The following PTPRG variants were observed in gnomAD, a reference collection of about 807,000 sequenced individuals.
PTPRG encodes the protein receptor-type tyrosine-protein phosphatase gamma.
Under a neutral mutation model 165.3 loss-of-function variants are expected in PTPRG, and 102 were observed. That is an observed-to-expected ratio of 0.62 (90% CI 0.53 to 0.73). The LOEUF (loss-of-function observed/expected upper bound fraction) is 0.73. Ranked by LOEUF, PTPRG falls within the 30% of genes least tolerant of loss-of-function variation. The pLI is 0.00. For missense variants in PTPRG, 1,866 were observed against 1,861.4 expected, an observed-to-expected ratio of 1.00 and a Z score of -0.05; for synonymous variants, 675 against 669.5, an observed-to-expected ratio of 1.01 and a Z score of -0.13.
chr3:61,854,167 CTA>C (rs2037039324), intron 2 of PTPRG, among the ~76,000 whole-genome samples: 2 of 152,200 alleles, frequency 1.3e-5, no homozygotes, highest in Admixed American at 1.3e-4. Flanking sequence ...GGTAGCAGTA[CTA>C]CACACATGCA....
intron 2 of PTPRG, among the ~76,000 whole-genome samples, chr3:61,869,729 C>T (rs1036575596): frequency 9.9e-5 from 15 of 151,632 alleles, no homozygotes; most frequent in Admixed American, 5.3e-4. Flanking sequence ...TAGGTGCACG[C>T]CACCCTGCCT....
At chr3:61,891,009 T>C (rs1322409995) in intron 2 of PTPRG, among the ~76,000 whole-genome samples, 1 of 152,186 alleles carries the variant, frequency 6.6e-6, no homozygotes, top group Non-Finnish European at 1.5e-5. Context: ...TTTCCAGATA[T>C]ATATGTTGCA....
chr3:62,196,642 G>C (rs1159973365), intron 10 of PTPRG, among the ~76,000 whole-genome samples: 1 of 152,150 alleles, frequency 6.6e-6, no homozygotes, highest in Non-Finnish European at 1.5e-5. Context: ...TGGAAGTAGG[G>C]ACCAGGGTGC....
At chr3:61,613,025 G>A (rs545550016) in intron 1 of PTPRG, among the ~76,000 whole-genome samples, 5 of 152,198 alleles carry the variant, frequency 3.3e-5, no homozygotes, top group African/African-American at 7.2e-5. Context: ...TTTCCATAAA[G>A]CCACCAATAG....
At chr3:61,661,332 T>TAA (rs1310793802) in intron 1 of PTPRG, among the ~76,000 whole-genome samples, 10 of 133,480 alleles carry the variant, frequency 7.5e-5, no homozygotes, top group South Asian at 2.5e-4. Context: ...TTTTTTTTTT[T>TAA]AAATTTTTAA....
At chr3:62,007,487 T>C (rs543996214) in intron 4 of PTPRG, among the ~76,000 whole-genome samples, 1 of 152,352 alleles carries the variant, frequency 6.6e-6, no homozygotes, top group Non-Finnish European at 1.5e-5. Flanking sequence ...CCTTGGAGAC[T>C]GAACTCAATT....
At chr3:61,580,783 T>A (rs1700276969) in intron 1 of PTPRG, among the ~76,000 whole-genome samples, 1 of 152,366 alleles carries the variant, frequency 6.6e-6, no homozygotes, top group East Asian at 1.9e-4. Context: ...TAACGATTAT[T>A]ATTTTCTTTT....
intron 2 of PTPRG, among the ~76,000 whole-genome samples, chr3:61,814,271 A>G (rs1158647624): frequency 6.6e-6 from 1 of 152,182 alleles, no homozygotes; most frequent in Non-Finnish European, 1.5e-5. Flanking sequence ...TCACATCCCT[A>G]ACAAGCGGGT....
intron 3 of PTPRG, 34 bp downstream of exon 3, chr3:61,989,838 A>G (rs2040842954): frequency 1.2e-6 from 2 of 1,607,238 alleles, no homozygotes; most frequent in South Asian, 1.1e-5. Flanking sequence ...TCCACAGAGC[A>G]ACAGGAACTA....
intron 14 of PTPRG, among the ~76,000 whole-genome samples, chr3:62,235,254 A>G (rs1701002811): frequency 6.6e-6 from 1 of 152,182 alleles, no homozygotes; most frequent in East Asian, 1.9e-4. Context: ...AACTGTGGCA[A>G]ATGAGGTGGA....
intron 2 of PTPRG, among the ~76,000 whole-genome samples, chr3:61,967,326 C>A (rs1187220804): frequency 6.6e-6 from 1 of 152,108 alleles, no homozygotes; most frequent in African/African-American, 2.4e-5. Context: ...ACAAACTAGG[C>A]AGAGTCGAAT....
At chr3:61,565,027 C>T (rs1009983802) in intron 1 of PTPRG, among the ~76,000 whole-genome samples, 2 of 152,228 alleles carry the variant, frequency 1.3e-5, no homozygotes, top group African/African-American at 4.8e-5. Context: ...CTTGTGAGGT[C>T]TTAGCCAAAA....
chr3:61,862,587 G>T (rs1178135118), intron 2 of PTPRG, among the ~76,000 whole-genome samples: 2 of 152,126 alleles, frequency 1.3e-5, no homozygotes, highest in African/African-American at 2.4e-5. Flanking sequence ...TAGAGACGGG[G>T]TTTCTCCATG....
chr3:62,277,500 T>C, intron 25 of PTPRG, 51 bp from the exon 26 acceptor site: 1 of 1,579,974 alleles, frequency 6.3e-7, no homozygotes, highest in Non-Finnish European at 8.6e-7. Flanking sequence ...TACCACAAAG[T>C]TAGAATAAAA....
chr3:61,744,225 T>C (rs981164847), intron 1 of PTPRG, among the ~76,000 whole-genome samples: 3 of 152,172 alleles, frequency 2.0e-5, no homozygotes, highest in African/African-American at 7.2e-5. Flanking sequence ...AGTTGGTTTT[T>C]AAAAAAAATC....
chr3:62,119,144 G>A (rs1348622121), intron 5 of PTPRG, among the ~76,000 whole-genome samples: 1 of 152,222 alleles, frequency 6.6e-6, no homozygotes, highest in Non-Finnish European at 1.5e-5. Context: ...AGGGTAGGAA[G>A]TGCAGGAGAG....
chr3:62,292,128 C>A (rs1702919784), intron 28 of PTPRG, among the ~76,000 whole-genome samples: 1 of 152,088 alleles, frequency 6.6e-6, no homozygotes, highest in Non-Finnish European at 1.5e-5. Flanking sequence ...TCATCACCAA[C>A]ACCAAATCAT....
chr3:61,942,329 T>C (rs1047648151), intron 2 of PTPRG, among the ~76,000 whole-genome samples: 2 of 152,218 alleles, frequency 1.3e-5, no homozygotes, highest in African/African-American at 4.8e-5. Flanking sequence ...ACATTTGCTG[T>C]CATTTTCCAA....
intron 2 of PTPRG, among the ~76,000 whole-genome samples, chr3:61,871,118 A>T (rs148764657): frequency 1.8e-4 from 19 of 106,196 alleles, no homozygotes; most frequent in Non-Finnish European, 3.3e-4. Flanking sequence ...CTGTTATGTT[A>T]TGTTATGTTA....
Sources: allele counts gnomAD v4.1 joint callset (sites outside exome capture counted in the v4.1 genomes callset), GRCh38; gene constraint gnomAD v4.1.1; transcripts MANE v1.5; gene names NCBI Gene and HGNC (gene_info 2026-07-23, HGNC 2026-07-21).